BTD: variants seen among roughly 807,000 people sequenced by gnomAD.
BTD encodes biocytinase.
A neutral mutation model predicts 17.7 loss-of-function variants in BTD; 13 were observed. The observed-to-expected ratio is 0.74, with a 90% confidence interval of 0.48 to 1.17. The LOEUF is 1.17. Among genes scored for constraint, BTD ranks in the 50% most tolerant of loss-of-function variants. The pLI is 0.00. For synonymous variants in BTD, 240 were observed against 245.2 expected, an observed-to-expected ratio of 0.98 and a Z score of 0.20; for missense variants, 674 against 650.4, an observed-to-expected ratio of 1.04 and a Z score of -0.39.
At chr3:15,695,342 T>C (rs1246571030) in intron 3 of BTD, 3 of 663,682 alleles carry the variant, frequency 4.5e-6, no homozygotes, top group Non-Finnish European at 7.9e-6. Context: ...AAAAATTAGG[T>C]GTTTTGAATA....
At chr3:15,710,903 T>C (rs1047109125) in exon 4 of BTD, among the ~76,000 whole-genome samples, 34 of 152,210 alleles carry the variant, frequency 2.2e-4, no homozygotes, top group African/African-American at 7.7e-4. Flanking sequence ...AGTATTTTGA[T>C]GTTCTCATTT....
intron 2 of BTD, among the ~76,000 whole-genome samples, chr3:15,636,568 C>T (rs2065354789): frequency 6.6e-6 from 1 of 152,166 alleles, no homozygotes; most frequent in African/African-American, 2.4e-5. Context: ...CTTGAGGAAG[C>T]CCTGCTGTGC....
chr3:15,642,226 TGTC>T (rs1347689481), intron 3 of BTD, 169 bp downstream of exon 3: 1 of 1,471,488 alleles, frequency 6.8e-7, no homozygotes, highest in Non-Finnish European at 9.0e-7. Context: ...CATTAAAGAA[TGTC>T]TGACGTTACA....
intron 3 of BTD, chr3:15,670,578 A>T: frequency 6.2e-7 from 1 of 1,600,388 alleles, no homozygotes; most frequent in Non-Finnish European, 8.5e-7. Context: ...GATAAAATTT[A>T]AAAATTAAGC....
intron 1 of BTD, among the ~76,000 whole-genome samples, chr3:15,621,018 G>T (rs1418014340): frequency 6.6e-6 from 1 of 152,274 alleles, no homozygotes; most frequent in Non-Finnish European, 1.5e-5. Flanking sequence ...AGGCCAGGGA[G>T]TTCTAACACG....
chr3:15,679,360 A>G (rs1467046101), intron 3 of BTD: 3 of 1,613,730 alleles, frequency 1.9e-6, no homozygotes, highest in Non-Finnish European at 2.5e-6. Context: ...TTAACATCTC[A>G]GCAGCACCTT....
At chr3:15,642,679 G>A (rs2065553385) in intron 3 of BTD, among the ~76,000 whole-genome samples, 1 of 151,856 alleles carries the variant, frequency 6.6e-6, no homozygotes, top group African/African-American at 2.4e-5. Context: ...AGCCAGGATG[G>A]TCTCGATCTC....
chr3:15,615,599 C>CT (rs1339692723), intron 1 of BTD, among the ~76,000 whole-genome samples: 2 of 152,084 alleles, frequency 1.3e-5, no homozygotes, highest in African/African-American at 2.4e-5. Context: ...TTTTTAAATG[C>CT]TTTTTTTAAA....
downstream of BTD, among the ~76,000 whole-genome samples, chr3:15,654,016 C>A (rs1186789630): frequency 6.6e-6 from 1 of 152,196 alleles, no homozygotes; most frequent in Non-Finnish European, 1.5e-5. Flanking sequence ...GCCACTGCGC[C>A]CGGCCAAGAC....
At chr3:15,615,446 C>T (rs1195672781) in intron 1 of BTD, among the ~76,000 whole-genome samples, 1 of 152,184 alleles carries the variant, frequency 6.6e-6, no homozygotes, top group Non-Finnish European at 1.5e-5. Context: ...TAGCTATATG[C>T]ACAGATCTCA....
In BTD at chr3:15,645,574, T is replaced by C; in HGVS notation, c.*86T>C. 1 of 1,524,640 alleles carries C rather than the reference T, an allele frequency of 6.6e-7. No homozygotes were observed. Among genetic ancestry groups the C allele is most frequent in the Non-Finnish European group, 8.9e-7 (1 of 1,125,110 alleles). The allele number at this position is 1,524,640 out of a possible 1,614,324, so 94.4% of individuals were successfully genotyped here. A position where few individuals can be genotyped will look rare whatever the true frequency, so the allele number is the denominator to read the frequency against. Reference sequence around the variant, plus strand: ...CAGGCTACAAGCCCTGGGACCATCTTTCTGCCTTAAGGGCAGGAGCCCACT... The same window carrying C: ...CAGGCTACAAGCCCTGGGACCATCTCTCTGCCTTAAGGGCAGGAGCCCACT... On this transcript the variant is annotated 3_prime_UTR_variant, in exon 4 of 4. Transcript: ENST00000643237.
intron 3 of BTD, among the ~76,000 whole-genome samples, chr3:15,643,096 T>C (rs1357948896): frequency 6.6e-6 from 1 of 151,836 alleles, no homozygotes; most frequent in African/African-American, 2.4e-5. Context: ...CATTTTAAAT[T>C]ATATTAAAGA....
At chr3:15,628,150 G>A (rs922013779) in intron 1 of BTD, among the ~76,000 whole-genome samples, 6 of 152,230 alleles carry the variant, frequency 3.9e-5, no homozygotes, top group Non-Finnish European at 5.9e-5. Flanking sequence ...GCAGAGATGA[G>A]CACAAGGGTA....
At chr3:15,696,690 AAACCTCAAGAAACCAAGGTCAG>A (rs1436897480) in intron 3 of BTD, among the ~76,000 whole-genome samples, 20 of 152,174 alleles carry the variant, frequency 1.3e-4, no homozygotes, top group African/African-American at 4.8e-4. Flanking sequence ...AAACAAAACA[AAACCTCAAGAAACCAAGGTCAG>A]AACTCAATGA....
At chr3:15,655,725 G>A (rs12493405), downstream of BTD, among the ~76,000 whole-genome samples, 85 of 152,288 alleles carry the variant, frequency 5.6e-4, no homozygotes, top group Middle Eastern at 3.4e-3. Flanking sequence ...TTGTTTTCTA[G>A]TTGTAAATTA....
chr3:15,664,606 T>C (rs1490444656), intron 3 of BTD, among the ~76,000 whole-genome samples: 6 of 152,296 alleles, frequency 3.9e-5, no homozygotes, highest in African/African-American at 9.6e-5. Flanking sequence ...ACGGCTCTTA[T>C]GAAGCAGCTA....
chr3:15,648,287 A>G lies in BTD; in HGVS notation c.*2799A>G, dbSNP rs2065740074. ...TATAGGACAAAATAGGCATAAAAGT[A>G]TGAAATGTTTTGTGCACAAAGGCCT... On this transcript the variant is annotated 3_prime_UTR_variant, in exon 4 of 4. Coordinates refer to ENST00000643237, the MANE Select transcript of BTD (RefSeq NM_001370658.1). Among the ~76,000 whole-genome samples the G allele has an allele frequency of 6.6e-6, 1 of 152,358 alleles. No homozygotes were observed. Among genetic ancestry groups the G allele is most frequent in the South Asian group, 2.1e-4 (1 of 4,828 alleles).
chr3:15,614,555 C>A (rs1288913870), intron 1 of BTD, among the ~76,000 whole-genome samples: 1 of 151,706 alleles, frequency 6.6e-6, no homozygotes, highest in African/African-American at 2.4e-5. Context: ...AACGGCCATG[C>A]CACAAAATGT....
chr3:15,690,324 C>T, intron 3 of BTD: 6 of 951,406 alleles, frequency 6.3e-6, no homozygotes, highest in Non-Finnish European at 9.1e-6. Context: ...TATTATTATC[C>T]TACTTGAGAT....
Sources: allele counts gnomAD v4.1 joint callset (sites outside exome capture counted in the v4.1 genomes callset), GRCh38; gene constraint gnomAD v4.1.1; transcripts MANE v1.5; gene names NCBI Gene and HGNC (gene_info 2026-07-23, HGNC 2026-07-21).